Variants in IARS2 observed in about 807,000 individuals in gnomAD.
The protein encoded by IARS2 is isoleucyl-tRNA synthetase 2, mitochondrial, also known as isoleucine--tRNA ligase, mitochondrial.
A neutral mutation model predicts 126.3 loss-of-function variants in IARS2; 56 were observed. The observed-to-expected ratio is 0.44, with a 90% CI of 0.36 to 0.55. The LOEUF is 0.55. IARS2 is among the 20% of genes least tolerant of loss of function. The pLI, the probability that IARS2 is intolerant of heterozygous loss-of-function variation, is 0.00. For missense variants in IARS2, 1,127 were observed against 1,245.9 expected (o/e 0.90, Z 1.44); for synonymous variants, 407 against 441.1 (o/e 0.92, Z 0.97).
intron 3 of IARS2, 103 bp from the exon 4 acceptor site, chr1:220,102,026 T>C: frequency 8.7e-7 from 1 of 1,153,874 alleles, no homozygotes; most frequent in Non-Finnish European, 1.2e-6. Context: ...ATTTGCATTC[T>C]AAACTGTCTG....
rs1254197571 is a variant in IARS2 at position 220,143,027 on chromosome 1, G to A, written c.2644G>A (p.Ala882Thr). Reference sequence around the variant, plus strand: ...CGGGTTGGAAGAAGCTGTGGAGAGTGCGTGTGCAATGCGAGACTCATTTCT... The same window carrying A: ...CGGGTTGGAAGAAGCTGTGGAGAGTACGTGTGCAATGCGAGACTCATTTCT... The part of the protein sequence containing the change: ...KPGLEEAVES[A>T]CAMRDSFLGS... The change falls in exon 21 of 23, where the codon GCG becomes ACG. Residue 882 changes from alanine (A) to threonine (T), a missense_variant. Physicochemically the swap from Ala to Thr is moderately conservative, Grantham distance 58 (BLOSUM62 0). Transcript: ENST00000366922. 1.9e-6 allele frequency: 3 copies of A among 1,614,056 alleles called. No homozygotes were observed. Among genetic ancestry groups the A allele is most frequent in the Admixed American group, 1.7e-5 (1 of 60,012 alleles).
intron 12 of IARS2, among the ~76,000 whole-genome samples, chr1:220,119,244 G>A (rs1451459890): frequency 6.6e-6 from 1 of 152,064 alleles, no homozygotes; most frequent in Non-Finnish European, 1.5e-5. Flanking sequence ...CCTAAGAAGG[G>A]ACACGTAATG....
intron 10 of IARS2, among the ~76,000 whole-genome samples, chr1:220,108,369 T>A (rs1293252200): frequency 6.6e-6 from 1 of 150,710 alleles, no homozygotes; most frequent in Non-Finnish European, 1.5e-5. Context: ...CAGGCCATAA[T>A]TTTTTTATTT....
intron 10 of IARS2, 76 bp from the exon 11 acceptor site, chr1:220,110,710 C>A: frequency 8.7e-7 from 1 of 1,152,416 alleles, no homozygotes; most frequent in Non-Finnish European, 1.3e-6. Flanking sequence ...TTAGTATTTT[C>A]TGGAAGTTTA....
chr1:220,104,298 A>G (rs1373713550), intron 8 of IARS2, among the ~76,000 whole-genome samples: 1 of 152,056 alleles, frequency 6.6e-6, no homozygotes, highest in Non-Finnish European at 1.5e-5. Flanking sequence ...TTTGTGAGCT[A>G]TAATTTGGGA....
chr1:220,141,057 C>G (rs894958292), intron 19 of IARS2, among the ~76,000 whole-genome samples: 1 of 151,670 alleles, frequency 6.6e-6, no homozygotes, highest in Non-Finnish European at 1.5e-5. Context: ...CGCTTACTAG[C>G]TTTCTGATTT....
chr1:220,112,663 A>G (rs1571850634), intron 11 of IARS2, among the ~76,000 whole-genome samples: 5 of 144,898 alleles, frequency 3.5e-5, no homozygotes, highest in South Asian at 4.3e-4. Flanking sequence ...GACTCAACCT[A>G]TCCTCCCACG....
chr1:220,123,258 T>A (rs1270299448), intron 12 of IARS2, among the ~76,000 whole-genome samples: 6 of 152,160 alleles, frequency 3.9e-5, no homozygotes, highest in Admixed American at 6.5e-5. Flanking sequence ...TATGGTCTGA[T>A]AACATAAAAG....
intron 2 of IARS2, among the ~76,000 whole-genome samples, chr1:220,098,133 C>T (rs967680621): frequency 5.9e-5 from 9 of 152,068 alleles, no homozygotes; most frequent in South Asian, 2.1e-4. Flanking sequence ...ATGATCCACC[C>T]GCCTCGGCCT....
intron 12 of IARS2, among the ~76,000 whole-genome samples, chr1:220,116,952 A>G (rs1250533588): frequency 1.3e-5 from 2 of 151,718 alleles, no homozygotes; most frequent in African/African-American, 4.8e-5. Context: ...TGCCACGTTG[A>G]CGAGGCTGGT....
In IARS2 at chr1:220,116,537, A is replaced by G. The variant is rs1243605105; in HGVS notation, c.1640+2063A>G. Among the ~76,000 whole-genome samples the G allele has an allele frequency of 1.3e-5, 2 of 152,078 alleles. 1 individual carries two copies. The highest frequency in any genetic ancestry group is 1.3e-4 in the Admixed American group (2 of 15,246). ...AAACTTTTAAGTAGACTTGAGGAGTAAGAGTATGTTTTAGGAAAAGAAAGT... is the reference window on the plus strand; with the variant it reads ...AAACTTTTAAGTAGACTTGAGGAGTGAGAGTATGTTTTAGGAAAAGAAAGT... On this transcript the variant is annotated intron_variant, in intron 12 of 22. Transcript: ENST00000366922.
Position 220,126,851 on chromosome 1 carries a change from T to C in IARS2, c.1837+8T>C. 1 of 1,584,768 alleles carries C rather than the reference T, an allele frequency of 6.3e-7. No individual in the cohort carries two copies. Reference sequence around the variant, plus strand: ...GGTCTTATGTTCTTCCAGGTAATTCTTAAAAATAGATATATGCCGATCAAG... The same window carrying C: ...GGTCTTATGTTCTTCCAGGTAATTCCTAAAAATAGATATATGCCGATCAAG... On this transcript the variant is annotated splice_region_variant and intron_variant, in intron 14 of 22. Transcript: ENST00000366922.
At position 220,107,569 on chromosome 1, in the gene IARS2, T is replaced by C. The variant is rs777954350; in HGVS notation, c.1327+418T>C. ...CTTGAATTGTCTTTCTGTCTTCCTT[T>C]ACAGATTCAGAGACCAAGTGCTATG... is the stretch of plus-strand genomic sequence containing the variant. On this transcript the variant is annotated intron_variant, in intron 10 of 22. Transcript: ENST00000366922. Among the ~76,000 whole-genome samples the C allele has an allele frequency of 1.6e-3, 245 of 152,336 alleles. 2 individuals are homozygous for C. Among genetic ancestry groups the C allele is most frequent in the African/African-American group, 5.7e-3 (238 of 41,586 alleles).
chr1:220,122,175 ACTTTTT>A (rs1431512082), intron 12 of IARS2, among the ~76,000 whole-genome samples: 6 of 152,184 alleles, frequency 3.9e-5, no homozygotes, highest in East Asian at 1.9e-4. Flanking sequence ...AGTTATTAGG[ACTTTTT>A]CTTTTAAGAA....
In IARS2 at chr1:220,136,824, T is replaced by C; in HGVS notation, c.1962T>C (p.His654=). 6.3e-7 allele frequency: 1 copy of C among 1,598,400 alleles called. No individual in the cohort carries two copies. Among genetic ancestry groups the C allele is most frequent in the Non-Finnish European group, 8.6e-7 (1 of 1,167,134 alleles). ...KRAPYKTVIV[H]GFTLGEKGEK... is the part of the protein sequence containing the mutation. ...GTCCCTTTAGGACAGTGATTGTTCA[T>C]GGATTTACCCTTGGAGAAAAGGGAG... Residue 654 remains histidine (H), a synonymous_variant, in exon 16 of 23, where the codon CAT becomes CAC. Coordinates refer to ENST00000366922, the MANE Select transcript of IARS2 (RefSeq NM_018060.4).
At chr1:220,108,259 A>G (rs1656721416) in intron 10 of IARS2, among the ~76,000 whole-genome samples, 1 of 151,932 alleles carries the variant, frequency 6.6e-6, no homozygotes, top group Admixed American at 6.6e-5. Context: ...ATGGGGTTTC[A>G]CCATGTTGGC....
chr1:220,133,642 A>G (rs1440049810), intron 14 of IARS2, among the ~76,000 whole-genome samples: 1 of 152,176 alleles, frequency 6.6e-6, no homozygotes, highest in Non-Finnish European at 1.5e-5. Flanking sequence ...CAACGACCTC[A>G]TGTTACTTTT....
chr1:220,110,675 C>A (rs1656781458), intron 10 of IARS2, 111 bp from the exon 11 acceptor site: 1 of 818,970 alleles, frequency 1.2e-6, no homozygotes, highest in Non-Finnish European at 1.9e-6. Flanking sequence ...GGTGACTACT[C>A]TTATTGCCAC....
chr1:220,115,657 C>A lies in IARS2; in HGVS notation c.1640+1183C>A, dbSNP rs143813353. On this transcript the variant is annotated intron_variant, in intron 12 of 22. Transcript: ENST00000366922. ...ATCATAATTGTGTCTTAGAATAATTCTTTTATCCCGAACAGCTCCCTTTTG... is the reference window on the plus strand; with the variant it reads ...ATCATAATTGTGTCTTAGAATAATTATTTTATCCCGAACAGCTCCCTTTTG... Among the ~76,000 whole-genome samples, 25 of 152,074 alleles carry A rather than the reference C, an allele frequency of 1.6e-4. 1 individual carries two copies. In the East Asian group the frequency reaches 4.6e-3, roughly 28 times the overall value.
Sources: allele counts gnomAD v4.1 joint callset (sites outside exome capture counted in the v4.1 genomes callset), GRCh38; gene constraint gnomAD v4.1.1; transcripts MANE v1.5; gene names NCBI Gene and HGNC (gene_info 2026-07-23, HGNC 2026-07-21).